ADNP2: variants seen among roughly 807,000 people sequenced by gnomAD.
The protein encoded by ADNP2 is ADNP homeobox 2.
A neutral mutation model predicts 16.4 loss-of-function variants in ADNP2; 8 were observed. The observed-to-expected ratio is 0.49, with a 90% confidence interval of 0.29 to 0.88. ADNP2 has a LOEUF of 0.88. Ranked by LOEUF, ADNP2 falls within the 40% of genes least tolerant of loss-of-function variation. ADNP2 has a pLI of 0.09. For missense variants in ADNP2, 1,397 were observed against 1,395.1 expected (o/e 1.00, Z -0.02); for synonymous variants, 637 against 545.8 (o/e 1.17, Z -2.33).
Position 80,138,181 on chromosome 18 carries a change from C to T in ADNP2, c.2768C>T (p.Thr923Met), listed in dbSNP as rs746433088. The T allele has an allele frequency of 8.7e-6, 14 of 1,614,010 alleles. No individual in the cohort carries two copies. Among genetic ancestry groups the T allele is most frequent in the South Asian group, 2.2e-5 (2 of 91,094 alleles). Reference protein sequence around the residue: ...FKCIHCCGVYTGNMTLAAIAV... With the variant: ...FKCIHCCGVYMGNMTLAAIAV... ...TGCATCCACTGCTGTGGGGTCTACA[C>T]GGGAAATATGACCCTGGCTGCCATC... Residue 923 changes from threonine to methionine, a missense_variant, in exon 4 of 4, where the codon ACG (threonine) becomes ATG (methionine). Thr to Met is a moderately conservative substitution (Grantham distance 81, BLOSUM62 -1). Around this residue, in one of 3 missense-constraint regions of ADNP2, gnomAD observed 611 missense variants for 648.7 expected, o/e 0.94. Transcript: ENST00000262198.
intron 1 of ADNP2, among the ~76,000 whole-genome samples, chr18:80,117,261 T>G (rs550531666): frequency 7.9e-5 from 12 of 152,168 alleles, no homozygotes; most frequent in Non-Finnish European, 1.5e-4. Flanking sequence ...GAATCTAAGG[T>G]CATCAATGTT....
At position 80,133,205 on chromosome 18, in the gene ADNP2, TG is replaced by T; in HGVS notation, c.198+14del. On this transcript the variant is annotated intron_variant, in intron 3 of 3. Coordinates refer to ENST00000262198, the MANE Select transcript of ADNP2 (RefSeq NM_014913.4). ...TGGAAAGAAAGTGGTATGTATTTTT[TG>T]CATTTGTTTTTCATGTTTCCTCAAA... is the stretch of plus-strand genomic sequence containing the variant. The T allele has an allele frequency of 6.2e-7, 1 of 1,601,454 alleles. No individual in the cohort carries two copies. The highest frequency in any genetic ancestry group is 8.6e-7 in the Non-Finnish European group (1 of 1,168,436).
rs2052527638 is a variant in ADNP2 at position 80,135,711 on chromosome 18, A to G, written c.298A>G (p.Ile100Val). ...TTTACATCGTTACCATGAAGATGAA[A>G]TTGACCAAGAGCTGGTGATCCCTTG... ...NHLHRYHEDE[I>V]DQELVIPCPN... The change falls in exon 4 of 4, where the codon ATT becomes GTT. Residue 100 changes from isoleucine to valine, a missense_variant. This residue lies in a region of ADNP2 where 777 missense variants were observed against 719.4 expected (regional missense o/e 1.08). Transcript: ENST00000262198. 1.9e-6 allele frequency: 3 copies of G among 1,614,240 alleles called. No homozygotes were observed. Among genetic ancestry groups the G allele is most frequent in the Non-Finnish European group, 2.5e-6 (3 of 1,180,032 alleles).
intron 2 of ADNP2, among the ~76,000 whole-genome samples, chr18:80,127,952 T>C (rs1271729635): frequency 6.6e-6 from 1 of 152,258 alleles, no homozygotes; most frequent in Non-Finnish European, 1.5e-5. Flanking sequence ...GCCTCAGTGC[T>C]CAGAAAAAGT....
chr18:80,113,792 G>A (rs924495348), intron 1 of ADNP2, among the ~76,000 whole-genome samples: 1 of 152,198 alleles, frequency 6.6e-6, no homozygotes, highest in South Asian at 2.1e-4. Context: ...AGTGGTATGT[G>A]GTTATGGTAC....
chr18:80,137,594 T>C lies in ADNP2; in HGVS notation c.2181T>C (p.Leu727=). 6.2e-7 allele frequency: 1 copy of C among 1,614,206 alleles called. No homozygotes were observed. The highest frequency in any genetic ancestry group is 8.5e-7 in the Non-Finnish European group (1 of 1,180,040). Residue 727 remains leucine, a synonymous_variant, in exon 4 of 4, where the codon CTT becomes CTC. Coordinates refer to ENST00000262198, the MANE Select transcript of ADNP2 (RefSeq NM_014913.4). The surrounding 1 kb of genome is among the most constrained non-coding windows in gnomAD (Gnocchi z 4.2). ...KHSESKSGEK[L]EPEKLAACAP... The stretch of plus-strand genomic sequence containing the variant: ...GCGAGTCCAAGTCTGGTGAGAAACT[T>C]GAGCCTGAAAAACTGGCAGCGTGTG...
chr18:80,134,983 G>C (rs769015767), intron 3 of ADNP2, among the ~76,000 whole-genome samples: 1 of 152,196 alleles, frequency 6.6e-6, no homozygotes, highest in Non-Finnish European at 1.5e-5. Context: ...AATTCCAGAG[G>C]TTTTAGAATT....
Position 80,139,623 on chromosome 18 carries a change from C to T in ADNP2, c.*814C>T, listed in dbSNP as rs911665047. The T allele has an allele frequency of 1.3e-4, 20 of 152,362 alleles. No individual in the cohort carries two copies. Among genetic ancestry groups the T allele is most frequent in the Non-Finnish European group, 2.6e-4 (18 of 67,996 alleles). 9.4% of individuals were successfully genotyped at this position (152,362 alleles called of 1,614,324 possible). A position where few individuals can be genotyped will look rare whatever the true frequency, so the allele number is the denominator to read the frequency against. ...AGGTAAAACAATAAATTTTTAGTGC[C>T]TTTAGAATAAACATTGAAAGAATAC... On this transcript the variant is annotated 3_prime_UTR_variant, in exon 4 of 4. Coordinates refer to ENST00000262198, the MANE Select transcript of ADNP2 (RefSeq NM_014913.4).
Position 80,135,816 on chromosome 18 carries a change from CAGAACTACACAGTGA to C in ADNP2, c.405_419del (p.Gln135_Asn140delinsHis), listed in dbSNP as rs770310872. The stretch of plus-strand genomic sequence containing the variant: ...GTTCCATGCACCTGTCCGGAAAGTC[CAGAACTACACAGTGA>C]ATATTTTAGGTGAAACTAAATCATC... On this transcript the variant is annotated inframe_deletion, in exon 4 of 4. Coordinates refer to ENST00000262198, the MANE Select transcript of ADNP2 (RefSeq NM_014913.4). 9.9e-6 allele frequency: 16 copies of C among 1,613,956 alleles called. No homozygotes were observed. The highest frequency in any genetic ancestry group is 1.4e-5 in the Non-Finnish European group (16 of 1,180,028).
chr18:80,122,451 A>G (rs2052431017), intron 2 of ADNP2, among the ~76,000 whole-genome samples: 1 of 152,228 alleles, frequency 6.6e-6, no homozygotes, highest in Non-Finnish European at 1.5e-5. Context: ...CATCTTAACA[A>G]CATTGTCTTC....
chr18:80,136,507 A>G lies in ADNP2; in HGVS notation c.1094A>G (p.Gln365Arg). ...VFLSHGVPLH[Q>R]SVNPPVLPLS... ...CTTTCTCACGGGGTTCCACTTCATC[A>G]GTCTGTGAATCCTCCTGTGTTGCCC... Residue 365 changes from glutamine to arginine, a missense_variant, in exon 4 of 4, where the codon CAG becomes CGG. Physicochemically the swap from Gln to Arg is conservative, Grantham distance 43. This residue lies in a region of ADNP2 where 777 missense variants were observed against 719.4 expected (regional missense o/e 1.08). Coordinates refer to ENST00000262198, the MANE Select transcript of ADNP2 (RefSeq NM_014913.4). The G allele has an allele frequency of 6.2e-7, 1 of 1,614,090 alleles. No homozygotes were observed. The highest frequency in any genetic ancestry group is 8.5e-7 in the Non-Finnish European group (1 of 1,180,022).
chr18:80,114,889 TG>T (rs1203252431), intron 1 of ADNP2, among the ~76,000 whole-genome samples: 2 of 152,284 alleles, frequency 1.3e-5, no homozygotes, highest in African/African-American at 4.8e-5. Flanking sequence ...CACCTCTACC[TG>T]GTGTCTCTGT....
intron 1 of ADNP2, among the ~76,000 whole-genome samples, chr18:80,112,626 C>T (rs2052364993): frequency 6.6e-6 from 1 of 152,222 alleles, no homozygotes; most frequent in Non-Finnish European, 1.5e-5. Context: ...CTCCTTGGCC[C>T]TAGTCCCAAG....
At chr18:80,122,276 G>T (rs188791214) in intron 2 of ADNP2, among the ~76,000 whole-genome samples, 1 of 152,294 alleles carries the variant, frequency 6.6e-6, no homozygotes, top group Non-Finnish European at 1.5e-5. Context: ...TTGAAATTGG[G>T]AAGTGTGAGT....
rs927978518 is a variant in ADNP2, at chr18:80,109,324, G to A, written c.-162G>A. On this transcript the variant is annotated 5_prime_UTR_variant, in exon 1 of 4. Coordinates refer to ENST00000262198, the MANE Select transcript of ADNP2 (RefSeq NM_014913.4). ...GAGGGGACCAGTCGCGCTGGGGGTG[G>A]GCGCGCGCTGAGGCGGGGGTCCCGC... is the stretch of plus-strand genomic sequence containing the variant. The A allele has an allele frequency of 6.6e-5, 10 of 150,970 alleles. No homozygotes were observed. The highest frequency in any genetic ancestry group is 6.2e-4 in the South Asian group (3 of 4,824). 9.4% of individuals were successfully genotyped at this position (150,970 alleles called of 1,614,324 possible). A position where few individuals can be genotyped will look rare whatever the true frequency, so the allele number is the denominator to read the frequency against.
At chr18:80,127,935 C>T (rs922935300) in intron 2 of ADNP2, among the ~76,000 whole-genome samples, 7 of 152,270 alleles carry the variant, frequency 4.6e-5, no homozygotes, top group South Asian at 2.1e-4. Flanking sequence ...TTTTCTCACA[C>T]ATGAGAGCCT....
chr18:80,118,089 A>C (rs1237164613), intron 2 of ADNP2, among the ~76,000 whole-genome samples: 2 of 152,188 alleles, frequency 1.3e-5, no homozygotes, highest in Non-Finnish European at 2.9e-5. Context: ...TTGAGAATAC[A>C]TAGTTGGCAT....
In ADNP2 at chr18:80,137,810, G is replaced by A; in HGVS notation, c.2397G>A (p.Leu799=). 1 of 1,614,188 alleles carries A rather than the reference G, an allele frequency of 6.2e-7. No homozygotes were observed. The highest frequency in any genetic ancestry group is 8.5e-7 in the Non-Finnish European group (1 of 1,180,032). Residue 799 remains leucine (L), a synonymous_variant, in exon 4 of 4, where the codon TTG becomes TTA. Coordinates refer to ENST00000262198, the MANE Select transcript of ADNP2 (RefSeq NM_014913.4). This position sits in a 1 kb window ranked among gnomAD's most constrained non-coding sequence, Gnocchi z 4.2. ...ATAGGCACCTGGGGAAGAAGAAGTT[G>A]CCTATGGATTATAGCAACAGAGGTT... is the stretch of plus-strand genomic sequence containing the variant. ...SRNRHLGKKK[L]PMDYSNRGFQ...
At chr18:80,132,400 G>A (rs1257957135) in intron 2 of ADNP2, among the ~76,000 whole-genome samples, 4 of 152,170 alleles carry the variant, frequency 2.6e-5, no homozygotes, top group Non-Finnish European at 5.9e-5. Context: ...ATGTGCATAG[G>A]TTACATGCAA....
Sources: allele counts gnomAD v4.1 joint callset (sites outside exome capture counted in the v4.1 genomes callset), GRCh38; gene constraint gnomAD v4.1.1; regional missense constraint gnomAD v4.1.1; non-coding constraint Gnocchi (gnomAD v3.1); transcripts MANE v1.5; gene names NCBI Gene and HGNC (gene_info 2026-07-23, HGNC 2026-07-21).